ZFAT: variants seen among roughly 807,000 people sequenced by gnomAD.
ZFAT encodes zinc finger and AT-hook domain containing, also known as zinc finger protein ZFAT.
ZFAT carries 64 observed loss-of-function variants against 117.7 expected under a neutral mutation model. The observed-to-expected ratio is 0.54, with a 90% CI of 0.44 to 0.67. The LOEUF is 0.67. ZFAT is among the 30% of genes least tolerant of loss of function. The pLI is 0.00. For synonymous variants in ZFAT, 679 were observed against 615.0 expected, an observed-to-expected ratio of 1.10 and a Z score of -1.54; for missense variants, 1,433 against 1,584.5, an observed-to-expected ratio of 0.90 and a Z score of 1.62.
At chr8:134,581,074 T>C (rs1034073923) in intron 10 of ZFAT, among the ~76,000 whole-genome samples, 17 of 151,960 alleles carry the variant, frequency 1.1e-4, no homozygotes, top group Non-Finnish European at 2.1e-4. Context: ...AGATAAAATA[T>C]GAGCACTACA....
chr8:134,799,242 C>A, the ZFAT span, among the ~76,000 whole-genome samples: 2 of 152,142 alleles, frequency 1.3e-5, no homozygotes, highest in African/African-American at 4.8e-5. Flanking sequence ...ACATCTTCCA[C>A]AGGAGCACCA....
chr8:134,831,673 C>G, the ZFAT span, among the ~76,000 whole-genome samples: 42,415 of 152,004 alleles, frequency 0.28, 6,193 homozygotes, highest in African/African-American at 0.35. Context: ...CCCGGTCCCC[C>G]CACTTCACGA....
chr8:134,806,972 T>C, the ZFAT span, among the ~76,000 whole-genome samples: 202 of 152,364 alleles, frequency 1.3e-3, 1 homozygote, highest in African/African-American at 4.6e-3. Flanking sequence ...TCCATCTTTG[T>C]CAAAAACATT....
intron 10 of ZFAT, among the ~76,000 whole-genome samples, chr8:134,576,766 A>T (rs1286951943): frequency 6.6e-6 from 1 of 152,226 alleles, no homozygotes; most frequent in Non-Finnish European, 1.5e-5. Flanking sequence ...AGGGACAGAA[A>T]AAAAGGGTAC....
chr8:134,590,168 C>T, intron 8 of ZFAT, 100 bp downstream of exon 8: 1 of 847,318 alleles, frequency 1.2e-6, no homozygotes, highest in South Asian at 2.0e-5. Context: ...AGCTTCATCC[C>T]TTTTTATTTC....
intron 1 of ZFAT, among the ~76,000 whole-genome samples, chr8:134,665,731 G>A (rs185140608): frequency 6.5e-4 from 99 of 152,252 alleles, no homozygotes; most frequent in Non-Finnish European, 9.7e-4. Context: ...CTTTTGCTGT[G>A]CATCACAGAG....
intron 1 of ZFAT, among the ~76,000 whole-genome samples, chr8:134,676,350 G>A (rs1467599728): frequency 6.6e-6 from 1 of 151,220 alleles, no homozygotes; most frequent in Non-Finnish European, 1.5e-5. Flanking sequence ...ATACAAAGAA[G>A]TGCATTACAT....
intron 1 of ZFAT, among the ~76,000 whole-genome samples, chr8:134,671,140 C>T (rs1832542425): frequency 6.6e-6 from 1 of 152,132 alleles, no homozygotes; most frequent in Admixed American, 6.5e-5. Flanking sequence ...AAGTCCAGGA[C>T]CAGATGGATT....
chr8:134,785,665 T>C, the ZFAT span: 1 of 149,066 alleles, frequency 6.7e-6, no homozygotes. Context: ...CATGTATCTG[T>C]TTCTGTACCA....
chr8:134,707,974 A>T (rs1318614929), intron 1 of ZFAT, among the ~76,000 whole-genome samples: 1 of 152,244 alleles, frequency 6.6e-6, no homozygotes, highest in African/African-American at 2.4e-5. Context: ...TGATTTTTTT[A>T]ATGTGGGACA....
the ZFAT span, among the ~76,000 whole-genome samples, chr8:134,737,051 C>T: frequency 2.0e-5 from 3 of 152,178 alleles, no homozygotes; most frequent in African/African-American, 4.8e-5. Context: ...GAGGCCAAGG[C>T]GGGCAGATCA....
At chr8:134,751,820 CA>C in the ZFAT span, among the ~76,000 whole-genome samples, 5 of 152,138 alleles carry the variant, frequency 3.3e-5, no homozygotes, top group African/African-American at 4.8e-5. Context: ...TGAGTTTGGT[CA>C]CATTAGCCTA....
intron 11 of ZFAT, among the ~76,000 whole-genome samples, chr8:134,564,091 G>T (rs1824247561): frequency 6.6e-6 from 1 of 151,222 alleles, no homozygotes; most frequent in South Asian, 2.1e-4. Context: ...GGAGACAGAG[G>T]TTGCAGTGAG....
chr8:134,680,990 A>C (rs1833044635), intron 1 of ZFAT, among the ~76,000 whole-genome samples: 1 of 152,144 alleles, frequency 6.6e-6, no homozygotes, highest in African/African-American at 2.4e-5. Flanking sequence ...AAACAAAAAG[A>C]CTCTGGATCT....
At chr8:134,698,703 C>G (rs1026946283) in intron 1 of ZFAT, among the ~76,000 whole-genome samples, 5 of 152,244 alleles carry the variant, frequency 3.3e-5, no homozygotes, top group East Asian at 3.9e-4. Context: ...CCCGGACACC[C>G]CCAGGGATCC....
intron 1 of ZFAT, among the ~76,000 whole-genome samples, chr8:134,667,923 T>A (rs1160343562): frequency 6.6e-6 from 1 of 152,082 alleles, no homozygotes; most frequent in Non-Finnish European, 1.5e-5. Context: ...ACTGCACTTT[T>A]CCAACAGTCT....
At chr8:134,479,806 C>T (rs1200789455) in intron 15 of ZFAT, among the ~76,000 whole-genome samples, 5 of 152,134 alleles carry the variant, frequency 3.3e-5, no homozygotes, top group African/African-American at 7.2e-5. Context: ...GACACTTTTG[C>T]CCACAACCTT....
At chr8:134,754,469 T>C in the ZFAT span, among the ~76,000 whole-genome samples, 11 of 152,204 alleles carry the variant, frequency 7.2e-5, no homozygotes, top group Non-Finnish European at 1.6e-4. Flanking sequence ...CATGGGAATA[T>C]AAACATGGGC....
chr8:134,825,543 AAAC>A, the ZFAT span, among the ~76,000 whole-genome samples: 8 of 152,242 alleles, frequency 5.3e-5, no homozygotes, highest in Non-Finnish European at 8.8e-5. Context: ...AAACATTAGA[AAAC>A]AACAACCCTG....
Sources: allele counts gnomAD v4.1 joint callset (sites outside exome capture counted in the v4.1 genomes callset), GRCh38; gene constraint gnomAD v4.1.1; transcripts MANE v1.5; gene names NCBI Gene and HGNC (gene_info 2026-07-23, HGNC 2026-07-21).